The following MYRIP variants were observed in gnomAD, a reference collection of about 807,000 sequenced individuals.
MYRIP encodes the protein rab effector MyRIP.
A neutral mutation model predicts 98.0 loss-of-function variants in MYRIP; 49 were observed. The observed-to-expected ratio is 0.50, with a 90% confidence interval of 0.40 to 0.63. The LOEUF (loss-of-function observed/expected upper bound fraction) is 0.63. MYRIP is among the 30% of genes least tolerant of loss of function. The pLI is 0.00. For synonymous variants in MYRIP, 404 were observed against 409.5 expected (o/e 0.99, Z 0.16); for missense variants, 1,004 against 1,058.2 (o/e 0.95, Z 0.71).
At position 40,244,492 on chromosome 3, in the gene MYRIP, C is replaced by T. The variant is rs746627144; in HGVS notation, c.2147C>T (p.Thr716Ile). 6.2e-7 allele frequency: 1 copy of T among 1,613,896 alleles called. No individual in the cohort carries two copies. Among genetic ancestry groups the T allele is most frequent in the Admixed American group, 1.7e-5 (1 of 60,002 alleles). Residue 716 changes from threonine to isoleucine, a missense_variant, in exon 13 of 17, where the codon ACT becomes ATT. By Grantham distance (89) the Thr-to-Ile change is moderately conservative (BLOSUM62 -1). Coordinates refer to ENST00000302541, the MANE Select transcript of MYRIP (RefSeq NM_015460.4). ...GTGTATGGACTGGAGACCCAGCTGA[C>T]TGAGCTAGAAGATGCCGCCCGCTGC... The part of the protein sequence containing the change: ...GTVYGLETQL[T>I]ELEDAARCIH...
chr3:40,238,818 ACAT>A (rs1357150254), intron 12 of MYRIP: 4 of 152,318 alleles, frequency 2.6e-5, no homozygotes, highest in Non-Finnish European at 5.9e-5. Context: ...AGATAAAGAA[ACAT>A]CAGCATTTAC....
chr3:39,891,073 A>T (rs73829706), intron 1 of MYRIP, among the ~76,000 whole-genome samples: 3,148 of 152,210 alleles, frequency 0.021, 97 homozygotes, highest in African/African-American at 0.07. Flanking sequence ...GGTTTAGCTG[A>T]AATGAAATTT....
intron 3 of MYRIP, among the ~76,000 whole-genome samples, chr3:40,139,841 A>G (rs1184014192): frequency 6.6e-6 from 1 of 152,134 alleles, no homozygotes; most frequent in East Asian, 1.9e-4. Context: ...CAGCCTCCCA[A>G]AGTGCTGGGA....
At chr3:40,075,591 T>C (rs1023423329) in intron 3 of MYRIP, among the ~76,000 whole-genome samples, 8 of 152,234 alleles carry the variant, frequency 5.3e-5, no homozygotes, top group South Asian at 4.1e-4. Flanking sequence ...CAGAGGGCTA[T>C]TGTTAGATTT....
chr3:40,237,747 C>A (rs938658891), intron 12 of MYRIP, among the ~76,000 whole-genome samples: 2 of 152,156 alleles, frequency 1.3e-5, no homozygotes, highest in African/African-American at 4.8e-5. Flanking sequence ...TGGGCACACA[C>A]AATTGAAAGG....
intron 2 of MYRIP, among the ~76,000 whole-genome samples, chr3:39,970,539 T>C (rs1559542138): frequency 6.6e-6 from 1 of 152,108 alleles, no homozygotes; most frequent in Non-Finnish European, 1.5e-5. Context: ...TGATCATACA[T>C]TTCTACTTTT....
At chr3:40,064,617 C>A (rs1424912806) in intron 3 of MYRIP, among the ~76,000 whole-genome samples, 1 of 152,156 alleles carries the variant, frequency 6.6e-6, no homozygotes, top group African/African-American at 2.4e-5. Context: ...GCAAGACAGG[C>A]AAGGACAGTG....
intron 3 of MYRIP, among the ~76,000 whole-genome samples, chr3:40,073,316 G>A (rs909052689): frequency 3.3e-5 from 5 of 152,158 alleles, no homozygotes; most frequent in Admixed American, 2.0e-4. Context: ...GAGAAGAGTG[G>A]GAGAGTGGGC....
rs563604985 is a variant in MYRIP, at chr3:39,839,702, C to T, written c.-31+29786C>T. 2.6e-5 allele frequency among the ~76,000 whole-genome samples: 4 copies of T among 152,154 alleles called. No homozygotes were observed. The East Asian group carries it at 7.7e-4, about 29-fold the overall frequency. ...ATTGTGTCTTTGTTCTCATTGGTTG[C>T]AAAGAATTTATTTATTTACCCAGTA... On this transcript the variant is annotated intron_variant, in intron 1 of 16. Coordinates refer to ENST00000302541, the MANE Select transcript of MYRIP (RefSeq NM_015460.4).
intron 3 of MYRIP, among the ~76,000 whole-genome samples, chr3:40,134,218 G>A (rs575867145): frequency 6.6e-6 from 1 of 152,360 alleles, no homozygotes; most frequent in East Asian, 1.9e-4. Flanking sequence ...CTTAACAAAT[G>A]GCACACCAGG....
intron 4 of MYRIP, among the ~76,000 whole-genome samples, chr3:40,161,079 T>A (rs567610946): frequency 2.8e-4 from 42 of 152,336 alleles, no homozygotes; most frequent in African/African-American, 9.4e-4. Flanking sequence ...TGTTGCTTCA[T>A]CTGGGATTTG....
intron 3 of MYRIP, among the ~76,000 whole-genome samples, chr3:40,045,215 C>A (rs1040668302): frequency 6.6e-6 from 1 of 152,086 alleles, no homozygotes. Context: ...TAGAATTTTC[C>A]CATAGAGCTA....
intron 2 of MYRIP, among the ~76,000 whole-genome samples, chr3:40,014,465 C>T (rs1046886172): frequency 2.6e-5 from 4 of 152,192 alleles, no homozygotes; most frequent in Non-Finnish European, 5.9e-5. Context: ...AACAATTACC[C>T]CCATTAGCAT....
At position 40,190,146 on chromosome 3, in the gene MYRIP, G is replaced by T. The variant is rs2125629793; in HGVS notation, c.1348G>T (p.Ala450Ser). Residue 450 changes from alanine to serine, a missense_variant, in exon 10 of 17, where the codon GCC (alanine) becomes TCC (serine). Coordinates refer to ENST00000302541, the MANE Select transcript of MYRIP (RefSeq NM_015460.4). ...CTCTGCACTCTCCCCCAACCCTGAG[G>T]CCATGTGCTCTGACTCGGAGACCTC... The part of the protein sequence containing the change: ...PSSALSPNPE[A>S]MCSDSETSSA... 6.2e-7 allele frequency: 1 copy of T among 1,614,044 alleles called. No homozygotes were observed. Among genetic ancestry groups the T allele is most frequent in the East Asian group, 2.2e-5 (1 of 44,848 alleles).
At chr3:39,822,270 AT>A (rs1658256864) in intron 1 of MYRIP, among the ~76,000 whole-genome samples, 1 of 152,164 alleles carries the variant, frequency 6.6e-6, no homozygotes, top group African/African-American at 2.4e-5. Flanking sequence ...GGTAATTTGC[AT>A]GTCCATCATT....
intron 1 of MYRIP, among the ~76,000 whole-genome samples, chr3:39,875,742 A>C (rs1942970890): frequency 6.6e-6 from 1 of 151,158 alleles, no homozygotes; most frequent in African/African-American, 2.4e-5. Flanking sequence ...ACATTTGCTG[A>C]GGAGAGCTTT....
At chr3:40,188,351 G>T (rs1259487481) in intron 9 of MYRIP, among the ~76,000 whole-genome samples, 2 of 152,168 alleles carry the variant, frequency 1.3e-5, no homozygotes, top group African/African-American at 2.4e-5. Flanking sequence ...ACTGCAGCAG[G>T]GCTGTGGCTG....
intron 2 of MYRIP, among the ~76,000 whole-genome samples, chr3:39,980,496 A>G (rs904452525): frequency 5.3e-5 from 8 of 152,230 alleles, no homozygotes; most frequent in Non-Finnish European, 1.0e-4. Context: ...CTAAGAGAAC[A>G]TATAATACAA....
intron 2 of MYRIP, among the ~76,000 whole-genome samples, chr3:39,918,621 C>T (rs570628413): frequency 6.6e-6 from 1 of 152,270 alleles, no homozygotes; most frequent in South Asian, 2.1e-4. Context: ...TAACAAAGGA[C>T]AGATTAATAG....
Sources: allele counts gnomAD v4.1 joint callset (sites outside exome capture counted in the v4.1 genomes callset), GRCh38; gene constraint gnomAD v4.1.1; transcripts MANE v1.5; gene names NCBI Gene and HGNC (gene_info 2026-07-23, HGNC 2026-07-21).